YEATS2: variants seen among roughly 807,000 people sequenced by gnomAD.
YEATS2 encodes YEATS domain containing 2.
A neutral mutation model predicts 163.2 loss-of-function variants in YEATS2; 77 were observed. The observed-to-expected ratio is 0.47, with a 90% CI of 0.39 to 0.57. The LOEUF (loss-of-function observed/expected upper bound fraction) is 0.57. Among genes scored for constraint, YEATS2 ranks in the 20% least tolerant of loss-of-function variants. The pLI is 0.00. For synonymous variants in YEATS2, 631 were observed against 645.1 expected (o/e 0.98, Z 0.33); for missense variants, 1,549 against 1,729.8 (o/e 0.90, Z 1.85).
rs1722963999 is a variant in YEATS2, at chr3:183,776,028, G to A, written c.2482G>A (p.Gly828Arg). 1.2e-6 allele frequency: 2 copies of A among 1,611,406 alleles called. No individual in the cohort carries two copies. The highest frequency in any genetic ancestry group is 2.7e-5 in the African/African-American group (2 of 74,814). The change falls in exon 18 of 31, where the codon GGA becomes AGA. Residue 828 changes from glycine (G) to arginine (R), a missense_variant. By Grantham distance (125) the Gly-to-Arg change is moderately radical. Transcript: ENST00000305135. Reference sequence around the variant, plus strand: ...AGGCGGCAGCACAGGAGGAGGAGGAGGAACAGCAGGAGGAGGAACTCAAAG... The same window carrying A: ...AGGCGGCAGCACAGGAGGAGGAGGAAGAACAGCAGGAGGAGGAACTCAAAG... Reference protein sequence around the residue: ...GGGGSTGGGGGTAGGGTQSTA... With the variant: ...GGGGSTGGGGRTAGGGTQSTA...
chr3:183,757,296 T>A (rs533442536), intron 12 of YEATS2, among the ~76,000 whole-genome samples: 39 of 152,260 alleles, frequency 2.6e-4, no homozygotes, highest in African/African-American at 9.1e-4. Context: ...TTAATTAATT[T>A]ATTAATTTAT....
At chr3:183,808,923 T>A (rs373163154) in intron 29 of YEATS2, 174 bp from the exon 30 acceptor site, 8 of 578,220 alleles carry the variant, frequency 1.4e-5, no homozygotes, top group African/African-American at 5.5e-5. Flanking sequence ...TTTCTCAGAA[T>A]CATGGCCTTT....
rs531425235 is a variant in YEATS2, at chr3:183,809,819, G to A, written c.4160+649G>A. Among the ~76,000 whole-genome samples, 36 of 152,334 alleles carry A rather than the reference G, an allele frequency of 2.4e-4. No homozygotes were observed. The South Asian group carries it at 6.2e-3, about 26-fold the overall frequency. ...TTGCATTATGCTAAAGGCTGTCACA[G>A]ATTTATAAAATTGTAGCAAAGTGCC... is the stretch of plus-strand genomic sequence containing the variant. On this transcript the variant is annotated intron_variant, in intron 30 of 30. Coordinates refer to ENST00000305135, the MANE Select transcript of YEATS2 (RefSeq NM_018023.5).
rs115277655 is a variant in YEATS2, at chr3:183,785,935, A to G, written c.2737-190A>G. 2.9e-3 allele frequency among the ~76,000 whole-genome samples: 445 copies of G among 152,344 alleles called. 3 individuals are homozygous for G. The highest frequency in any genetic ancestry group is 0.01 in the African/African-American group (432 of 41,582). On this transcript the variant is annotated intron_variant, in intron 19 of 30. Coordinates refer to ENST00000305135, the MANE Select transcript of YEATS2 (RefSeq NM_018023.5). ...TTGTTCTATATTGGGGTAAAGGGAT[A>G]TTTATAGGTGAAAGGTCATAAAATT... is the stretch of plus-strand genomic sequence containing the variant.
At position 183,770,204 on chromosome 3, in the gene YEATS2, C is replaced by A. The variant is rs576643986; in HGVS notation, c.1948-2101C>A. 2.1e-4 allele frequency among the ~76,000 whole-genome samples: 32 copies of A among 151,422 alleles called. No individual in the cohort carries two copies. The East Asian group carries it at 5.8e-3, about 27-fold the overall frequency. On this transcript the variant is annotated intron_variant, in intron 15 of 30. Coordinates refer to ENST00000305135, the MANE Select transcript of YEATS2 (RefSeq NM_018023.5). ...GAGATCAAGACCGTCCTGGCTAACA[C>A]GGTGAAACCCCGTTTCTACTAAAAA...
At chr3:183,758,597 A>C (rs1167106557) in intron 12 of YEATS2, among the ~76,000 whole-genome samples, 1 of 152,204 alleles carries the variant, frequency 6.6e-6, no homozygotes, top group Non-Finnish European at 1.5e-5. Context: ...TACAAGGAGT[A>C]GTCTAAAACA....
intron 21 of YEATS2, among the ~76,000 whole-genome samples, chr3:183,792,795 C>T (rs949467172): frequency 2.6e-5 from 4 of 152,162 alleles, no homozygotes; most frequent in Admixed American, 6.5e-5. Flanking sequence ...AGGCATGAGC[C>T]ACCATGCCCA....
chr3:183,796,434 A>G (rs980583138), intron 21 of YEATS2, among the ~76,000 whole-genome samples: 2 of 151,718 alleles, frequency 1.3e-5, no homozygotes, highest in Non-Finnish European at 2.9e-5. Flanking sequence ...GGGAATATAG[A>G]AATCACCTTT....
Position 183,771,542 on chromosome 3 carries a change from C to CTTTTTTT in YEATS2, c.1948-763_1948-762insTTTTTTT, listed in dbSNP as rs1722462151. ...TTTTAATAGTTAAATATTATTCTTG[C>CTTTTTTT]CTTTTTTTTTTTTTTTTTTTTTTCT... On this transcript the variant is annotated intron_variant, in intron 15 of 30. Coordinates refer to ENST00000305135, the MANE Select transcript of YEATS2 (RefSeq NM_018023.5). 4.3e-4 allele frequency among the ~76,000 whole-genome samples: 26 copies of CTTTTTTT among 60,810 alleles called. 1 individual carries two copies. Among genetic ancestry groups the CTTTTTTT allele is most frequent in the African/African-American group, 7.8e-4 (8 of 10,298 alleles). 39.9% of individuals were successfully genotyped at this position (60,810 alleles called of 152,430 possible).
chr3:183,762,950 CTG>C, intron 15 of YEATS2, among the ~76,000 whole-genome samples: 1 of 152,096 alleles, frequency 6.6e-6, no homozygotes, highest in Non-Finnish European at 1.5e-5. Context: ...ACTCGGGAGA[CTG>C]AGGCAGGAGA....
chr3:183,776,797 C>CA (rs1187718683), intron 18 of YEATS2, among the ~76,000 whole-genome samples: 4 of 151,834 alleles, frequency 2.6e-5, no homozygotes, highest in Non-Finnish European at 4.4e-5. Context: ...ATTAAAAATA[C>CA]AAAAATCAGT....
At chr3:183,758,488 CTT>C (rs1405219472) in intron 12 of YEATS2, among the ~76,000 whole-genome samples, 1 of 152,150 alleles carries the variant, frequency 6.6e-6, no homozygotes, top group Non-Finnish European at 1.5e-5. Flanking sequence ...GTTGTAGTGT[CTT>C]TTATTGTATG....
chr3:183,710,392 G>A (rs1220738953), intron 1 of YEATS2, among the ~76,000 whole-genome samples: 1 of 152,202 alleles, frequency 6.6e-6, no homozygotes, highest in East Asian at 1.9e-4. Context: ...TAGCTAGCTA[G>A]CAGTTACTTG....
chr3:183,778,557 T>A (rs1308801982), intron 19 of YEATS2, among the ~76,000 whole-genome samples: 3 of 152,116 alleles, frequency 2.0e-5, no homozygotes, highest in Non-Finnish European at 4.4e-5. Flanking sequence ...GGTTTCTCCA[T>A]GTTGGTCAGG....
At position 183,699,851 on chromosome 3, in the gene YEATS2, T is replaced by G. The variant is rs538794521; in HGVS notation, c.-20+1858T>G. ...GTTCATTAAGATTGTCAATTGAATT[T>G]GGCAACACGGTGGTTATTGGTTTTG... On this transcript the variant is annotated intron_variant, in intron 1 of 30. Transcript: ENST00000305135. 2.6e-5 allele frequency among the ~76,000 whole-genome samples: 4 copies of G among 152,324 alleles called. No individual in the cohort carries two copies. The South Asian group carries it at 8.3e-4, about 32-fold the overall frequency.
intron 19 of YEATS2, among the ~76,000 whole-genome samples, chr3:183,780,236 C>T (rs1300276226): frequency 1.3e-5 from 2 of 152,250 alleles, no homozygotes; most frequent in East Asian, 1.9e-4. Context: ...ACAGCAAGCA[C>T]CACAGGAAGG....
At chr3:183,724,772 C>T (rs969316121) in intron 6 of YEATS2, among the ~76,000 whole-genome samples, 2 of 152,204 alleles carry the variant, frequency 1.3e-5, no homozygotes, top group East Asian at 3.9e-4. Context: ...GACAGAGTTT[C>T]GCTCTTGTTG....
chr3:183,703,051 G>A (rs539776143), intron 1 of YEATS2, among the ~76,000 whole-genome samples: 5 of 152,220 alleles, frequency 3.3e-5, no homozygotes, highest in Non-Finnish European at 5.9e-5. Context: ...TTATTTATAG[G>A]AAAGTTGGTG....
At chr3:183,751,597 G>A (rs530110211) in intron 9 of YEATS2, among the ~76,000 whole-genome samples, 17 of 152,280 alleles carry the variant, frequency 1.1e-4, no homozygotes, top group Admixed American at 1.1e-3. Context: ...AAAATGGGGA[G>A]GGTAGACAGT....
Sources: allele counts gnomAD v4.1 joint callset (sites outside exome capture counted in the v4.1 genomes callset), GRCh38; gene constraint gnomAD v4.1.1; transcripts MANE v1.5; gene names NCBI Gene and HGNC (gene_info 2026-07-23, HGNC 2026-07-21).